OTOGL: variants seen among roughly 807,000 people sequenced by gnomAD.
The protein encoded by OTOGL is otogelin like.
In OTOGL, 285 loss-of-function variants were observed where a neutral mutation model predicts 318.5. That is an observed-to-expected ratio of 0.89 (90% CI 0.81 to 0.99). The LOEUF (loss-of-function observed/expected upper bound fraction) is 0.99, where lower values mean the gene tolerates loss of function less well. Ranked by LOEUF, OTOGL falls within the 50% of genes least tolerant of loss-of-function variation. OTOGL has a pLI of 0.00. For synonymous variants in OTOGL, 987 were observed against 936.5 expected (o/e 1.05, Z -0.99); for missense variants, 2,899 against 2,845.6 (o/e 1.02, Z -0.43).
At chr12:80,364,750 A>C (rs962152424) in intron 52 of OTOGL, among the ~76,000 whole-genome samples, 1 of 152,104 alleles carries the variant, frequency 6.6e-6, no homozygotes, top group Non-Finnish European at 1.5e-5. Flanking sequence ...TCACTACTTC[A>C]GTCCTTTGTT....
At chr12:80,230,223 T>C (rs1879242855) in intron 8 of OTOGL, among the ~76,000 whole-genome samples, 1 of 152,168 alleles carries the variant, frequency 6.6e-6, no homozygotes, top group Admixed American at 6.5e-5. Context: ...TTTTCTGGGC[T>C]TAGATTCCTC....
chr12:80,285,012 T>C (rs2137650590), intron 26 of OTOGL, among the ~76,000 whole-genome samples: 1 of 152,296 alleles, frequency 6.6e-6, no homozygotes, highest in East Asian at 1.9e-4. Flanking sequence ...TGGTTTTAGG[T>C]CTTATGCTTA....
intron 20 of OTOGL, among the ~76,000 whole-genome samples, 177 bp from the exon 21 acceptor site, chr12:80,266,274 C>G (rs964160526): frequency 9.2e-5 from 14 of 152,178 alleles, no homozygotes; most frequent in African/African-American, 3.4e-4. Context: ...CCAACCCTTG[C>G]TTTAGTCCTT....
At chr12:80,167,104 G>A (rs1475480649) in intron 1 of OTOGL, among the ~76,000 whole-genome samples, 1 of 151,582 alleles carries the variant, frequency 6.6e-6, no homozygotes, top group African/African-American at 2.4e-5. Flanking sequence ...AGTTTTTTTG[G>A]CATCCCTTTA....
At chr12:80,153,153 A>G (rs1194075156) in intron 1 of OTOGL, among the ~76,000 whole-genome samples, 1 of 152,244 alleles carries the variant, frequency 6.6e-6, no homozygotes, top group Non-Finnish European at 1.5e-5. Context: ...GGCCTTATCA[A>G]CAATGGAAAT....
Position 80,358,701 on chromosome 12 carries a change from T to C in OTOGL, c.6152T>C (p.Leu2051Ser). The C allele has an allele frequency of 1.2e-6, 2 of 1,613,178 alleles. No homozygotes were observed. The highest frequency in any genetic ancestry group is 1.7e-6 in the Non-Finnish European group (2 of 1,179,350). Residue 2051 changes from leucine (L) to serine (S), a missense_variant, in exon 51 of 59, where the codon TTA (leucine) becomes TCA (serine). By Grantham distance (145) the Leu-to-Ser change is moderately radical. Around this residue, in one of 3 missense-constraint regions of OTOGL, gnomAD observed 2,607 missense variants for 2,524.9 expected, o/e 1.03. Coordinates refer to ENST00000547103, the MANE Select transcript of OTOGL (RefSeq NM_001378609.3). ...VCEPNLCPMP[L>S]LNCAEDMNLV... ...GAACCAAACCTTTGTCCTATGCCAT[T>C]ACTCAACTGTGCAGAAGATATGAAT...
At chr12:80,290,702 G>A (rs1884986375) in intron 26 of OTOGL, among the ~76,000 whole-genome samples, 1 of 152,086 alleles carries the variant, frequency 6.6e-6, no homozygotes, top group African/African-American at 2.4e-5. Context: ...TCTACCAAAA[G>A]CATTAAAAAT....
chr12:80,242,304 T>C (rs1880450184), intron 11 of OTOGL, among the ~76,000 whole-genome samples: 1 of 152,200 alleles, frequency 6.6e-6, no homozygotes, highest in Admixed American at 6.6e-5. Flanking sequence ...AGAAGCAACT[T>C]GTGCTGGCTG....
At chr12:80,305,875 A>G (rs1886077792) in intron 29 of OTOGL, among the ~76,000 whole-genome samples, 180 bp downstream of exon 29, 1 of 152,156 alleles carries the variant, frequency 6.6e-6, no homozygotes, top group South Asian at 2.1e-4. Context: ...TATCATATAA[A>G]GGATGTTTTC....
At chr12:80,242,679 A>G (rs1880484700) in intron 11 of OTOGL, among the ~76,000 whole-genome samples, 1 of 152,122 alleles carries the variant, frequency 6.6e-6, no homozygotes, top group African/African-American at 2.4e-5. Context: ...TTGAGTATCT[A>G]TTCTGAGCTG....
chr12:80,336,968 C>G lies in OTOGL; in HGVS notation c.4824C>G (p.Pro1608=). The G allele has an allele frequency of 6.3e-7, 1 of 1,593,914 alleles. No individual in the cohort carries two copies. The highest frequency in any genetic ancestry group is 1.7e-4 in the Middle Eastern group (1 of 6,030). Reference sequence around the variant, plus strand: ...TTAAGAAGTTAAATGTGACAACACCCATACATAAAATAATTGTCAATCGGT... The same window carrying G: ...TTAAGAAGTTAAATGTGACAACACCGATACATAAAATAATTGTCAATCGGT... ...LCFKKLNVTT[P]IHKIIVNRLA... The change falls in exon 42 of 59, where the codon CCC becomes CCG. Residue 1608 remains proline, a synonymous_variant. Coordinates refer to ENST00000547103, the MANE Select transcript of OTOGL (RefSeq NM_001378609.3).
At chr12:80,314,901 C>T (rs917529949) in intron 32 of OTOGL, among the ~76,000 whole-genome samples, 1 of 152,090 alleles carries the variant, frequency 6.6e-6, no homozygotes, top group Non-Finnish European at 1.5e-5. Flanking sequence ...TCTTTAAAAA[C>T]CAAGAAATTC....
Position 80,353,478 on chromosome 12 carries a change from A to G in OTOGL, c.5561A>G (p.His1854Arg), listed in dbSNP as rs779392744. The G allele has an allele frequency of 2.6e-5, 41 of 1,598,282 alleles. No individual in the cohort carries two copies. The highest frequency in any genetic ancestry group is 6.7e-5 in the East Asian group (3 of 44,544). ...CKVGTILHRP[H>R]SAQCIPEKEC... ...GTTGGAACTATTCTTCACAGGCCAC[A>G]TTCAGCCCAGTGCATTCCAGAGAAA... Residue 1854 changes from histidine to arginine, a missense_variant, in exon 46 of 59, where the codon CAT (histidine) becomes CGT (arginine). Around this residue, in one of 3 missense-constraint regions of OTOGL, gnomAD observed 2,607 missense variants for 2,524.9 expected, o/e 1.03. Coordinates refer to ENST00000547103, the MANE Select transcript of OTOGL (RefSeq NM_001378609.3).
chr12:80,160,198 A>T (rs1873411171), intron 1 of OTOGL, among the ~76,000 whole-genome samples: 1 of 152,052 alleles, frequency 6.6e-6, no homozygotes, highest in African/African-American at 2.4e-5. Flanking sequence ...CAAAGACTTT[A>T]TGACCAAGAA....
At chr12:80,314,479 T>A (rs926258058) in intron 32 of OTOGL, 148 bp downstream of exon 32, 1 of 290,186 alleles carries the variant, frequency 3.4e-6, no homozygotes, top group African/African-American at 2.2e-5. Flanking sequence ...TTTTAAAATT[T>A]TCAAAAATTT....
intron 1 of OTOGL, among the ~76,000 whole-genome samples, chr12:80,188,071 ATT>A (rs1245686356): frequency 1.3e-5 from 2 of 152,232 alleles, no homozygotes; most frequent in South Asian, 2.1e-4. Flanking sequence ...GAGGGTTGAG[ATT>A]TCTTTTTAAT....
At chr12:80,191,352 C>T (rs974909420) in intron 1 of OTOGL, among the ~76,000 whole-genome samples, 5 of 152,076 alleles carry the variant, frequency 3.3e-5, no homozygotes, top group Admixed American at 1.3e-4. Context: ...ACAGGAGAAT[C>T]GCTTGAACCC....
At chr12:80,339,409 C>A (rs34624616) in intron 43 of OTOGL, 145 bp downstream of exon 43, 3 of 650,592 alleles carry the variant, frequency 4.6e-6, no homozygotes, top group Non-Finnish European at 7.5e-6. Context: ...CATGTAAATA[C>A]GGAAGGAAGC....
chr12:80,175,280 A>C (rs189010791), intron 1 of OTOGL, among the ~76,000 whole-genome samples: 17 of 152,346 alleles, frequency 1.1e-4, no homozygotes, highest in African/African-American at 3.8e-4. Context: ...AGAGTTCTAT[A>C]CAAATTTCTC....
Sources: gnomAD v4.1 joint callset for allele counts (sites outside exome capture counted in the v4.1 genomes callset) on GRCh38, gnomAD v4.1.1 for gene constraint, gnomAD v4.1.1 regional missense constraint, MANE v1.5 for transcripts, NCBI Gene and HGNC (gene_info 2026-07-23, HGNC 2026-07-21) for gene names.